The following EDAR variants were observed in gnomAD, a reference collection of about 807,000 sequenced individuals.
EDAR encodes tumor necrosis factor receptor superfamily member EDAR.
In EDAR, 38 loss-of-function variants were observed where a neutral mutation model predicts 51.3. The observed-to-expected ratio is 0.74, with a 90% confidence interval of 0.57 to 0.97. The LOEUF is 0.97. EDAR is among the 50% of genes least tolerant of loss of function. EDAR has a pLI of 0.00. For missense variants in EDAR, 528 were observed against 595.0 expected, an observed-to-expected ratio of 0.89 and a Z score of 1.17; for synonymous variants, 227 against 242.1, an observed-to-expected ratio of 0.94 and a Z score of 0.58.
intron 5 of EDAR, among the ~76,000 whole-genome samples, chr2:108,917,157 G>A (rs1697043290): frequency 1.3e-5 from 2 of 152,208 alleles, no homozygotes; most frequent in South Asian, 2.1e-4. Context: ...GAGGGAAGGT[G>A]CTTGTGGCAA....
rs139252265 is a variant in EDAR, at chr2:108,953,771, G to A, written c.-18-22739C>T. Among the ~76,000 whole-genome samples the A allele has an allele frequency of 2.3e-4, 35 of 152,306 alleles. 1 individual carries two copies. Among genetic ancestry groups the A allele is most frequent in the Admixed American group, 1.8e-3 (28 of 15,306 alleles). On this transcript the variant is annotated intron_variant, in intron 1 of 11. Transcript: ENST00000258443. ...TAAAGAAGCACCAGAAAACTGGCAG[G>A]TGGAGAGGCCAGTTAGGCAGAAGAA...
At chr2:108,957,707 A>G (rs1192214125) in intron 1 of EDAR, among the ~76,000 whole-genome samples, 1 of 152,268 alleles carries the variant, frequency 6.6e-6, no homozygotes, top group Admixed American at 6.5e-5. Flanking sequence ...CGGGCCTACC[A>G]GGCGAGGCTA....
At chr2:108,948,181 G>T (rs1007134960) in intron 1 of EDAR, among the ~76,000 whole-genome samples, 1 of 152,220 alleles carries the variant, frequency 6.6e-6, no homozygotes, top group African/African-American at 2.4e-5. Flanking sequence ...AGCATAGCAA[G>T]AGTGACCTTT....
chr2:108,918,161 T>C (rs1291953900), intron 5 of EDAR, among the ~76,000 whole-genome samples: 1 of 152,186 alleles, frequency 6.6e-6, no homozygotes, highest in Non-Finnish European at 1.5e-5. Flanking sequence ...TGTCACCAGC[T>C]GGGGGTCCAC....
At chr2:108,898,429 G>C (rs573101346) in intron 11 of EDAR, among the ~76,000 whole-genome samples, 3 of 152,250 alleles carry the variant, frequency 2.0e-5, no homozygotes, top group Admixed American at 2.0e-4. Flanking sequence ...ACAGTAGCAA[G>C]ACAGCACCCT....
chr2:108,908,917 T>C (rs1696862236), intron 9 of EDAR, among the ~76,000 whole-genome samples: 2 of 152,064 alleles, frequency 1.3e-5, no homozygotes, highest in Admixed American at 1.3e-4. Context: ...TGGGACCCAC[T>C]TCCTCATCAG....
Position 108,897,072 on chromosome 2 carries a change from G to A in EDAR, c.1182C>T (p.Gly394=), listed in dbSNP as rs1286882828. The stretch of plus-strand genomic sequence containing the variant: ...TGCTGATGCGGTCAAAGAGTTGCAT[G>A]CCGTCTGTCATGCCCCCAATCTCAT... The part of the protein sequence containing the change: ...KRDEIGGMTD[G]MQLFDRISTA... Residue 394 remains glycine (G), a synonymous_variant, in exon 12 of 12, where the codon GGC becomes GGT. Transcript: ENST00000258443. 1 of 1,614,190 alleles carries A rather than the reference G, an allele frequency of 6.2e-7. No individual in the cohort carries two copies. The highest frequency in any genetic ancestry group is 8.5e-7 in the Non-Finnish European group (1 of 1,180,030).
chr2:108,944,321 C>T (rs1054148365), intron 1 of EDAR, among the ~76,000 whole-genome samples: 3 of 152,160 alleles, frequency 2.0e-5, no homozygotes, highest in African/African-American at 7.2e-5. Context: ...ACCATGTTGG[C>T]GGGGCTGGTC....
rs879767387 is a variant in EDAR, at chr2:108,930,342, GTGGGGGCTCTGC to G, written c.52-112_52-101del. 9 of 1,419,918 alleles carry G rather than the reference GTGGGGGCTCTGC, an allele frequency of 6.3e-6. No homozygotes were observed. The African/African-American group carries it at 8.5e-5, about 13-fold the overall frequency. 88.0% of individuals were successfully genotyped at this position (1,419,918 alleles called of 1,614,324 possible). A position where few individuals can be genotyped will look rare whatever the true frequency, so the allele number is the denominator to read the frequency against. On this transcript the variant is annotated intron_variant, in intron 2 of 11. Coordinates refer to ENST00000258443, the MANE Select transcript of EDAR (RefSeq NM_022336.4). ...TGACATAGGAAGGGGGTGCCCTGCGGTGGGGGCTCTGCTGGGGGCTCGGTCTGGGAAGGTGCC... is the reference window on the plus strand; with the variant it reads ...TGACATAGGAAGGGGGTGCCCTGCGGTGGGGGCTCGGTCTGGGAAGGTGCC...
At position 108,894,752 on chromosome 2, in the gene EDAR, A is replaced by ATAAGTAAG. The variant is rs111463955; in HGVS notation, c.*2154_*2155insCTTACTTA. The ATAAGTAAG allele has an allele frequency of 6.6e-6, 1 of 152,022 alleles. No homozygotes were observed. Among genetic ancestry groups the ATAAGTAAG allele is most frequent in the African/African-American group, 2.4e-5 (1 of 41,284 alleles). The allele number at this position is 152,022 out of a possible 1,614,324, so 9.4% of individuals were successfully genotyped here. A position where few individuals can be genotyped will look rare whatever the true frequency, so the allele number is the denominator to read the frequency against. ...GTCAGAGTAAATCCCATGTTTCCAA[A>ATAAGTAAG]TAAGTAAATGACAAGGGAATTTGTA... On this transcript the variant is annotated 3_prime_UTR_variant, in exon 12 of 12. Coordinates refer to ENST00000258443, the MANE Select transcript of EDAR (RefSeq NM_022336.4).
chr2:108,927,579 T>C (rs1032339340), intron 4 of EDAR, among the ~76,000 whole-genome samples: 1 of 152,144 alleles, frequency 6.6e-6, no homozygotes, highest in African/African-American at 2.4e-5. Flanking sequence ...GCCAGCAGCA[T>C]AGGTCGGCGA....
intron 1 of EDAR, among the ~76,000 whole-genome samples, chr2:108,958,938 A>G (rs932166770): frequency 1.3e-5 from 2 of 152,184 alleles, no homozygotes; most frequent in African/African-American, 4.8e-5. Context: ...CATCCACATC[A>G]TGGAATGCCA....
At chr2:108,967,849 T>C (rs751526322) in intron 1 of EDAR, among the ~76,000 whole-genome samples, 57 of 151,798 alleles carry the variant, frequency 3.8e-4, no homozygotes, top group African/African-American at 2.2e-4. Flanking sequence ...CAGGTAACAA[T>C]GTTATTGAGA....
chr2:108,952,369 G>C (rs895719659), intron 1 of EDAR, among the ~76,000 whole-genome samples: 2 of 152,210 alleles, frequency 1.3e-5, no homozygotes, highest in Non-Finnish European at 2.9e-5. Context: ...AAGTACACAA[G>C]ATAGGAGAGG....
intron 11 of EDAR, among the ~76,000 whole-genome samples, chr2:108,897,846 C>T (rs1359096156): frequency 6.6e-6 from 1 of 152,142 alleles, no homozygotes; most frequent in African/African-American, 2.4e-5. Context: ...GCTAAAAGCC[C>T]TGGACATTCT....
At chr2:108,961,721 A>G (rs1698050476) in intron 1 of EDAR, among the ~76,000 whole-genome samples, 1 of 152,266 alleles carries the variant, frequency 6.6e-6, no homozygotes, top group South Asian at 2.1e-4. Flanking sequence ...GTGGGTGCGG[A>G]AAAGCCTGGG....
intron 1 of EDAR, among the ~76,000 whole-genome samples, chr2:108,967,600 GCAGGGGGCTGTC>G (rs2104426452): frequency 6.6e-6 from 1 of 152,282 alleles, no homozygotes; most frequent in Non-Finnish European, 1.5e-5. Context: ...ACTTGAAAGA[GCAGGGGGCTGTC>G]CATGCCTGAC....
intron 11 of EDAR, among the ~76,000 whole-genome samples, chr2:108,903,326 T>C (rs552116777): frequency 2.0e-5 from 3 of 152,264 alleles, no homozygotes; most frequent in South Asian, 4.1e-4. Flanking sequence ...CAGATTGATA[T>C]ACAGTTTTGT....
intron 1 of EDAR, among the ~76,000 whole-genome samples, chr2:108,950,946 G>A (rs554491352): frequency 6.6e-6 from 1 of 152,324 alleles, no homozygotes; most frequent in African/African-American, 2.4e-5. Flanking sequence ...TTCACCCAAG[G>A]GCAGCTGCCA....
Sources: gnomAD v4.1 joint callset for allele counts (sites outside exome capture counted in the v4.1 genomes callset) on GRCh38, gnomAD v4.1.1 for gene constraint, MANE v1.5 for transcripts, NCBI Gene and HGNC (gene_info 2026-07-23, HGNC 2026-07-21) for gene names.